The following COL25A1 variants were observed in gnomAD, a reference collection of about 807,000 sequenced individuals.
The protein encoded by COL25A1 is collagen type XXV alpha 1 chain.
Under a neutral mutation model 128.4 loss-of-function variants are expected in COL25A1, and 103 were observed. The ratio of observed to expected loss-of-function variants is 0.80; its 90% CI spans 0.68 to 0.94. The LOEUF (loss-of-function observed/expected upper bound fraction) is 0.94, where lower values mean the gene tolerates loss of function less well. COL25A1 is among the 40% of genes least tolerant of loss of function. COL25A1 has a pLI of 0.00. For synonymous variants in COL25A1, 279 were observed against 277.2 expected (o/e 1.01, Z -0.06); for missense variants, 745 against 840.0 (o/e 0.89, Z 1.40).
At chr4:109,252,244 C>T (rs1325244765) in intron 3 of COL25A1, among the ~76,000 whole-genome samples, 2 of 152,224 alleles carry the variant, frequency 1.3e-5, no homozygotes, top group African/African-American at 4.8e-5. Flanking sequence ...ATCAACCTGC[C>T]ACCAGGTAGC....
In COL25A1 at chr4:108,914,682, G is replaced by T. The variant is rs1405163115; in HGVS notation, c.780+3490C>A. Among the ~76,000 whole-genome samples the T allele has an allele frequency of 3.4e-5, 4 of 117,578 alleles. No homozygotes were observed. The East Asian group carries it at 9.8e-4, about 29-fold the overall frequency. The allele number at this position is 117,578 out of a possible 152,430, so 77.1% of individuals were successfully genotyped here. A position where few individuals can be genotyped will look rare whatever the true frequency, so the allele number is the denominator to read the frequency against. The stretch of plus-strand genomic sequence containing the variant: ...TTTTTTTTTTTTTTTTTTGAGACAG[G>T]GTCTCACTATGTTGCCCACGCTGGA... On this transcript the variant is annotated intron_variant, in intron 13 of 37. Transcript: ENST00000399132.
At chr4:108,817,871 A>G (rs1731400533) in intron 36 of COL25A1, among the ~76,000 whole-genome samples, 1 of 152,226 alleles carries the variant, frequency 6.6e-6, no homozygotes, top group South Asian at 2.1e-4. Flanking sequence ...TCAATGATAA[A>G]CCATTTCTAT....
intron 3 of COL25A1, among the ~76,000 whole-genome samples, chr4:109,246,006 T>C (rs1578537080): frequency 1.6e-5 from 2 of 127,890 alleles, no homozygotes; most frequent in South Asian, 4.7e-4. Context: ...GTTGCTTTTT[T>C]GTTAAAAAGC....
chr4:109,202,760 A>G (rs946448878), intron 3 of COL25A1, among the ~76,000 whole-genome samples: 1 of 152,200 alleles, frequency 6.6e-6, no homozygotes, highest in African/African-American at 2.4e-5. Flanking sequence ...CTACAGATAC[A>G]TATCTATATT....
chr4:109,197,450 TTATATA>T (rs1182695506), intron 3 of COL25A1, among the ~76,000 whole-genome samples: 12 of 119,704 alleles, frequency 1.0e-4, no homozygotes, highest in Admixed American at 2.2e-4. Context: ...ATTATATATA[TTATATA>T]TAAATATTAT....
chr4:108,959,600 T>C (rs1160443750), intron 8 of COL25A1, among the ~76,000 whole-genome samples: 1 of 152,196 alleles, frequency 6.6e-6, no homozygotes, highest in African/African-American at 2.4e-5. Flanking sequence ...CCATTACATT[T>C]GACACATTCT....
chr4:108,991,070 C>A (rs1450906872), intron 6 of COL25A1, among the ~76,000 whole-genome samples: 3 of 152,104 alleles, frequency 2.0e-5, no homozygotes, highest in Non-Finnish European at 4.4e-5. Context: ...ATTTATTGTG[C>A]ATTTTCTATA....
intron 5 of COL25A1, among the ~76,000 whole-genome samples, chr4:109,042,602 T>C (rs1760024318): frequency 6.6e-6 from 1 of 152,100 alleles, no homozygotes; most frequent in African/African-American, 2.4e-5. Context: ...TCAATAATGA[T>C]AATACCCTGC....
intron 5 of COL25A1, among the ~76,000 whole-genome samples, chr4:109,043,690 A>C (rs1225535949): frequency 6.6e-6 from 1 of 152,162 alleles, no homozygotes; most frequent in Non-Finnish European, 1.5e-5. Flanking sequence ...ACAAAGAGAC[A>C]GAGAGACTGC....
In COL25A1 at chr4:108,920,727, T is replaced by C. The variant is rs111854642; in HGVS notation, c.709-123A>G. On this transcript the variant is annotated intron_variant, in intron 11 of 37. Coordinates refer to ENST00000399132, the MANE Select transcript of COL25A1 (RefSeq NM_198721.4). Reference sequence around the variant, plus strand: ...TACTGAAATATGTTGACATTTCATATATCAGGAAAAAAAAAGAAAAATTTC... The same window carrying C: ...TACTGAAATATGTTGACATTTCATACATCAGGAAAAAAAAAGAAAAATTTC... 1.7e-3 allele frequency: 903 copies of C among 518,952 alleles called. 9 individuals are homozygous for C. The African/African-American group carries it at 0.018, about 10-fold the overall frequency. 32.1% of individuals were successfully genotyped at this position (518,952 alleles called of 1,614,324 possible). A position where few individuals can be genotyped will look rare whatever the true frequency, so the allele number is the denominator to read the frequency against.
intron 3 of COL25A1, among the ~76,000 whole-genome samples, chr4:109,199,544 A>G (rs1238519130): frequency 6.6e-6 from 1 of 150,674 alleles, no homozygotes; most frequent in East Asian, 1.9e-4. Flanking sequence ...ATATAGTATT[A>G]TTTTCCAGAA....
At chr4:108,879,765 G>C (rs969764251) in intron 19 of COL25A1, among the ~76,000 whole-genome samples, 1 of 150,866 alleles carries the variant, frequency 6.6e-6, no homozygotes, top group African/African-American at 2.4e-5. Context: ...CATGTTGAAA[G>C]AAGGAAAAGC....
intron 3 of COL25A1, among the ~76,000 whole-genome samples, chr4:109,276,019 C>T (rs1229119349): frequency 6.6e-6 from 1 of 152,238 alleles, no homozygotes; most frequent in Non-Finnish European, 1.5e-5. Context: ...CTTCCCTGCT[C>T]ACTCTTCTCC....
intron 6 of COL25A1, among the ~76,000 whole-genome samples, chr4:108,994,732 C>T (rs1754586276): frequency 6.6e-6 from 1 of 152,158 alleles, no homozygotes; most frequent in Non-Finnish European, 1.5e-5. Flanking sequence ...ACACCTCATA[C>T]AGGCGGGTGC....
At chr4:109,294,311 T>G (rs1724761327) in intron 3 of COL25A1, among the ~76,000 whole-genome samples, 1 of 152,144 alleles carries the variant, frequency 6.6e-6, no homozygotes, top group Non-Finnish European at 1.5e-5. Context: ...TTTGGAGGAA[T>G]ATATGATGCC....
chr4:109,088,718 G>T (rs1764634984), intron 3 of COL25A1, among the ~76,000 whole-genome samples: 1 of 152,128 alleles, frequency 6.6e-6, no homozygotes. Flanking sequence ...GCTTTCAGGG[G>T]ATTTACATTC....
intron 5 of COL25A1, among the ~76,000 whole-genome samples, chr4:109,047,738 T>A: frequency 6.7e-6 from 1 of 148,218 alleles, no homozygotes; most frequent in South Asian, 2.2e-4. Flanking sequence ...CTTTTTTTTT[T>A]TTTTTTTTTT....
At chr4:109,154,383 C>T (rs1054962089) in intron 3 of COL25A1, among the ~76,000 whole-genome samples, 9 of 152,176 alleles carry the variant, frequency 5.9e-5, no homozygotes, top group Middle Eastern at 3.2e-3. Flanking sequence ...TCTTGAAGTC[C>T]TCTGCCACTC....
intron 32 of COL25A1, among the ~76,000 whole-genome samples, 165 bp from the exon 33 acceptor site, chr4:108,827,353 A>C (rs1305208374): frequency 6.6e-6 from 1 of 152,204 alleles, no homozygotes; most frequent in Non-Finnish European, 1.5e-5. Flanking sequence ...AAAGTAATCC[A>C]CAGTAGCATC....
Sources: gnomAD v4.1 joint callset for allele counts (sites outside exome capture counted in the v4.1 genomes callset) on GRCh38, gnomAD v4.1.1 for gene constraint, MANE v1.5 for transcripts, NCBI Gene and HGNC (gene_info 2026-07-23, HGNC 2026-07-21) for gene names.